ZNF600: variants seen among roughly 807,000 people sequenced by gnomAD.
The protein encoded by ZNF600 is zinc finger protein KR-ZNF1.
In ZNF600, 4 loss-of-function variants were observed where a neutral mutation model predicts 7.3. The observed-to-expected ratio is 0.55, with a 90% CI of 0.27 to 1.25. The LOEUF is 1.25. Among genes scored for constraint, ZNF600 ranks in the 50% most tolerant of loss-of-function variants. The pLI is 0.12. For missense variants in ZNF600, 911 were observed against 922.1 expected, an observed-to-expected ratio of 0.99 and a Z score of 0.16; for synonymous variants, 290 against 308.9, an observed-to-expected ratio of 0.94 and a Z score of 0.64.
chr19:52,764,477 GT>G (rs11350553), downstream of ZNF600: 18,428 of 148,628 alleles, frequency 0.12, 1,301 homozygotes, highest in African/African-American at 0.19. Context: ...CTACCAAAGT[GT>G]TGTGATTGCA....
At chr19:52,793,689 C>A in the ZNF600 span, among the ~76,000 whole-genome samples, 1 of 147,706 alleles carries the variant, frequency 6.8e-6, no homozygotes, top group East Asian at 2.0e-4. Context: ...ATCGCTTGAA[C>A]CCGGAAGAAG....
At chr19:52,810,296 G>C in the ZNF600 span, 5 of 1,525,122 alleles carry the variant, frequency 3.3e-6, no homozygotes, top group African/African-American at 5.5e-5. Context: ...AGAAGATGGA[G>C]GCTGATGCCC....
At chr19:52,821,264 AG>A in the ZNF600 span, among the ~76,000 whole-genome samples, 1 of 152,150 alleles carries the variant, frequency 6.6e-6, no homozygotes, top group Non-Finnish European at 1.5e-5. Flanking sequence ...GGAGGCGCAC[AG>A]GGTGGGAATA....
chr19:52,777,132 G>C (rs1289292262), intron 2 of ZNF600, among the ~76,000 whole-genome samples: 3 of 152,150 alleles, frequency 2.0e-5, no homozygotes, highest in Non-Finnish European at 4.4e-5. Context: ...TGTAATCCCA[G>C]CACTATGGGA....
chr19:52,786,849 C>A, upstream of ZNF600: 1 of 266,020 alleles, frequency 3.8e-6, no homozygotes, highest in Non-Finnish European at 8.3e-6. Flanking sequence ...GGGCCCCAGG[C>A]GGAGAGACCT....
At chr19:52,792,161 C>T in the ZNF600 span, among the ~76,000 whole-genome samples, 1 of 152,228 alleles carries the variant, frequency 6.6e-6, no homozygotes, top group African/African-American at 2.4e-5. Context: ...CTGCCCTCCC[C>T]TTGGGGCCTT....
rs553182306 is a variant in ZNF600, at chr19:52,765,969, T to A, written c.1994A>T (p.Tyr665Phe). 9.0e-5 allele frequency: 146 copies of A among 1,614,188 alleles called. 1 individual carries two copies. The Admixed American group carries it at 2.3e-3, about 25-fold the overall frequency. The change falls in exon 4 of 4, where the codon TAC (tyrosine) becomes TTC (phenylalanine). Residue 665 changes from tyrosine to phenylalanine, a missense_variant. Coordinates refer to ENST00000648973, the Ensembl canonical transcript of ZNF600. ...GTGAATTCTGGTATGTCTTGCCAGG[T>A]ATGAATTACGCACGAAAGCCTTGTC...
chr19:52,820,082 C>T, the ZNF600 span, among the ~76,000 whole-genome samples: 5 of 142,258 alleles, frequency 3.5e-5, 1 homozygote, highest in Non-Finnish European at 7.5e-5. Context: ...ATTAGCTGGG[C>T]TCCATCCTTG....
chr19:52,800,771 A>T, the ZNF600 span: 6 of 1,614,028 alleles, frequency 3.7e-6, no homozygotes, highest in Non-Finnish European at 5.1e-6. Flanking sequence ...TGCCACATTC[A>T]TTACACTTGT....
chr19:52,827,899 T>A, the ZNF600 span, among the ~76,000 whole-genome samples: 1 of 151,916 alleles, frequency 6.6e-6, no homozygotes, highest in Non-Finnish European at 1.5e-5. Flanking sequence ...CATGGGTGAG[T>A]GCGAGCAAAC....
intron 1 of ZNF600, among the ~76,000 whole-genome samples, chr19:52,782,472 A>T (rs1295433357): frequency 6.6e-6 from 1 of 152,060 alleles, no homozygotes; most frequent in Non-Finnish European, 1.5e-5. Flanking sequence ...GTGATGAGCC[A>T]ACATCACGCC....
chr19:52,819,511 T>C, the ZNF600 span, among the ~76,000 whole-genome samples: 4 of 78,140 alleles, frequency 5.1e-5, 1 homozygote, highest in South Asian at 1.2e-3. Flanking sequence ...ATTTTGCCAA[T>C]CATTTCAGTG....
intron 3 of ZNF600, among the ~76,000 whole-genome samples, chr19:52,771,624 TATA>T (rs2062630854): frequency 6.6e-6 from 1 of 152,012 alleles, no homozygotes; most frequent in Non-Finnish European, 1.5e-5. Flanking sequence ...ATTACAGGTG[TATA>T]CCAACACACC....
chr19:52,793,492 C>T, the ZNF600 span, among the ~76,000 whole-genome samples: 33 of 152,276 alleles, frequency 2.2e-4, no homozygotes, highest in African/African-American at 7.7e-4. Flanking sequence ...ACCCTCCCAA[C>T]AAAGGAAAGC....
At chr19:52,767,059 G>A (rs566513144) in exon 4 of ZNF600, 66 of 1,614,090 alleles carry the variant, frequency 4.1e-5, no homozygotes, top group Admixed American at 1.2e-4. Context: ...TGGCATGTAA[G>A]GGATGATACC....
chr19:52,809,324 G>C, the ZNF600 span, among the ~76,000 whole-genome samples: 1 of 152,198 alleles, frequency 6.6e-6, no homozygotes, highest in Admixed American at 6.5e-5. Context: ...CACATGTGTT[G>C]TCATTCAGCC....
intron 1 of ZNF600, among the ~76,000 whole-genome samples, chr19:52,784,241 CAAAG>C (rs2062746656): frequency 7.1e-6 from 1 of 141,396 alleles, no homozygotes; most frequent in Non-Finnish European, 1.6e-5. Context: ...AACAAACAAA[CAAAG>C]AAAAAAAACA....
At chr19:52,801,722 A>G in the ZNF600 span, 3 of 1,598,312 alleles carry the variant, frequency 1.9e-6, no homozygotes, top group Non-Finnish European at 2.6e-6. Context: ...ATAAACACCA[A>G]TAGGTTTCCA....
the ZNF600 span, chr19:52,807,939 G>A: frequency 5.0e-6 from 8 of 1,605,626 alleles, no homozygotes; most frequent in Non-Finnish European, 6.0e-6. Context: ...TAAGGATGTG[G>A]CTCCCAAGAG....
Sources: gnomAD v4.1 joint callset for allele counts (sites outside exome capture counted in the v4.1 genomes callset) on GRCh38, gnomAD v4.1.1 for gene constraint, MANE v1.5 for transcripts, NCBI Gene and HGNC (gene_info 2026-07-23, HGNC 2026-07-21) for gene names.